The following MACF1 variants were observed in gnomAD, a reference collection of about 807,000 sequenced individuals.
MACF1 encodes microtubule-actin cross-linking factor 1.
In MACF1, 193 loss-of-function variants were observed where a neutral mutation model predicts 854.8. That is an observed-to-expected ratio of 0.23 (90% CI 0.20 to 0.25). The LOEUF (loss-of-function observed/expected upper bound fraction) is 0.25, where lower values mean the gene tolerates loss of function less well. Ranked by LOEUF, MACF1 falls within the 10% of genes least tolerant of loss-of-function variation. The probability of loss-of-function intolerance (pLI) is 1.00; values close to 1 mark genes in which losing one functional copy is unlikely to be tolerated. For missense variants in MACF1, 7,722 were observed against 8,929.1 expected (o/e 0.86, Z 5.45); for synonymous variants, 3,185 against 3,226.7 (o/e 0.99, Z 0.44).
intron 58 of MACF1, among the ~76,000 whole-genome samples, chr1:39,415,168 G>A (rs1643240450): frequency 1.3e-5 from 2 of 152,126 alleles, no homozygotes; most frequent in East Asian, 1.9e-4. Flanking sequence ...ACCAGAGCTA[G>A]GCATAATGTT....
intron 23 of MACF1, among the ~76,000 whole-genome samples, chr1:39,308,397 G>A (rs1031384917): frequency 6.6e-6 from 1 of 152,054 alleles, no homozygotes; most frequent in Non-Finnish European, 1.5e-5. Context: ...TGAAATTTTA[G>A]TGGGAGTTTT....
intron 2 of MACF1, among the ~76,000 whole-genome samples, chr1:39,135,050 T>G (rs1643129896): frequency 6.6e-6 from 1 of 152,210 alleles, no homozygotes. Context: ...TTTGTCCTTT[T>G]GTGTCTGGCT....
intron 2 of MACF1, among the ~76,000 whole-genome samples, chr1:39,171,483 C>T (rs993167114): frequency 6.6e-6 from 1 of 152,056 alleles, no homozygotes; most frequent in Non-Finnish European, 1.5e-5. Context: ...ACTTGCCTGC[C>T]CTGGATTTGC....
Position 39,292,752 on chromosome 1 carries a change from T to A in MACF1, c.1915-14T>A, listed in dbSNP as rs771949668. On this transcript the variant is annotated splice_polypyrimidine_tract_variant and intron_variant, in intron 16 of 100. Coordinates refer to ENST00000564288, the MANE Select transcript of MACF1 (RefSeq NM_001394062.1). ...TTTCTCTAATGTATTTTTATTTCATTCTTTTTTAATCAGGGAAAGATGTCC... is the reference window on the plus strand; with the variant it reads ...TTTCTCTAATGTATTTTTATTTCATACTTTTTTAATCAGGGAAAGATGTCC... The A allele has an allele frequency of 6.3e-7, 1 of 1,586,514 alleles. No homozygotes were observed. The highest frequency in any genetic ancestry group is 1.1e-5 in the South Asian group (1 of 88,802).
chr1:39,323,177 A>G (rs1356264998), intron 33 of MACF1, among the ~76,000 whole-genome samples, 169 bp downstream of exon 33: 2 of 152,094 alleles, frequency 1.3e-5, no homozygotes, highest in East Asian at 3.9e-4. Context: ...CCCTCTCTAC[A>G]AAAAATATTT....
chr1:39,134,034 CTTTTTTTTT>C (rs754585049), intron 2 of MACF1, among the ~76,000 whole-genome samples: 1 of 71,602 alleles, frequency 1.4e-5, no homozygotes, highest in Admixed American at 2.3e-4. Context: ...GAAGAACAGT[CTTTTTTTTT>C]TTTTTTTTTT....
At chr1:39,388,857 T>C (rs201397952) in intron 58 of MACF1, among the ~76,000 whole-genome samples, 199 bp downstream of exon 58, 103 of 139,908 alleles carry the variant, frequency 7.4e-4, no homozygotes, top group Non-Finnish European at 1.3e-3. Flanking sequence ...TCTTTTTCTT[T>C]TTCTTCTTCT....
intron 6 of MACF1, among the ~76,000 whole-genome samples, chr1:39,260,785 C>G (rs934060937): frequency 1.3e-5 from 2 of 152,134 alleles, no homozygotes; most frequent in Non-Finnish European, 2.9e-5. Context: ...ATTTCTAATT[C>G]AAATTTAGGA....
intron 6 of MACF1, among the ~76,000 whole-genome samples, chr1:39,263,959 G>A (rs995697998): frequency 3.2e-4 from 48 of 151,762 alleles, no homozygotes; most frequent in Non-Finnish European, 7.4e-5. Flanking sequence ...ATTTTTAGTA[G>A]AGATGGGGTT....
chr1:39,378,954 A>G (rs1332181428), intron 53 of MACF1, among the ~76,000 whole-genome samples: 1 of 152,168 alleles, frequency 6.6e-6, no homozygotes, highest in Non-Finnish European at 1.5e-5. Flanking sequence ...TGCTCCCTTC[A>G]CTTTTGTTGT....
At chr1:39,102,822 TTTTG>T in intron 2 of MACF1, 1 of 702,600 alleles carries the variant, frequency 1.4e-6, no homozygotes, top group Non-Finnish European at 2.6e-6. Context: ...GCCTCAGAGC[TTTTG>T]CGACTGTGTG....
At chr1:39,423,940 G>T (rs1365616403) in intron 60 of MACF1, 88 bp from the exon 61 acceptor site, 6 of 1,160,804 alleles carry the variant, frequency 5.2e-6, no homozygotes, top group South Asian at 1.6e-5. Context: ...AGGATTTGGC[G>T]GGTTGGTTTC....
Position 39,441,032 on chromosome 1 carries a change from T to G in MACF1, c.18477T>G (p.His6159Gln). The G allele has an allele frequency of 6.8e-6, 11 of 1,614,228 alleles. No homozygotes were observed. Among genetic ancestry groups the G allele is most frequent in the Non-Finnish European group, 9.3e-6 (11 of 1,180,036 alleles). The change falls in exon 73 of 101, where the codon CAT becomes CAG. Residue 6159 changes from histidine to glutamine, a missense_variant. Physicochemically the swap from His to Gln is conservative, Grantham distance 24. Coordinates refer to ENST00000564288, the MANE Select transcript of MACF1 (RefSeq NM_001394062.1). ...TTAAGGAAGAGACAGATGGTCTGCA[T>G]GAAGAGCTGGAGTTTATTCGGATCC... ...ETIKEETDGL[H>Q]EELEFIRILG...
rs553937016 is a variant in MACF1 at position 39,375,482 on chromosome 1, T to C, written c.13213+2886T>C. ...ACGCCTGGCTAATTTTTTGTATTTT[T>C]AGTAGAGACAGGGTTTCACTGTGTT... On this transcript the variant is annotated intron_variant, in intron 52 of 100. Coordinates refer to ENST00000564288, the MANE Select transcript of MACF1 (RefSeq NM_001394062.1). 2.7e-3 allele frequency among the ~76,000 whole-genome samples: 410 copies of C among 152,272 alleles called. 1 individual carries two copies. Among genetic ancestry groups the C allele is most frequent in the Middle Eastern group, 0.014 (4 of 294 alleles).
intron 1 of MACF1, among the ~76,000 whole-genome samples, chr1:39,210,195 T>G (rs1399323844): frequency 6.6e-6 from 1 of 152,198 alleles, no homozygotes; most frequent in Non-Finnish European, 1.5e-5. Flanking sequence ...CTTTAATTCT[T>G]CCATTTATGG....
chr1:39,309,809 C>A, intron 24 of MACF1, 113 bp downstream of exon 24: 1 of 1,132,842 alleles, frequency 8.8e-7, no homozygotes, highest in Non-Finnish European at 1.3e-6. Flanking sequence ...AAAGTGGACT[C>A]AGGAATACCA....
rs116096234 is a variant in MACF1 at position 39,186,147 on chromosome 1, A to T, written c.221-45035A>T. ...AGATTCCAGAATGTTAAGGGAATCCATGTGGGGGCTGGGATTCTGAACATC... is the reference window on the plus strand; with the variant it reads ...AGATTCCAGAATGTTAAGGGAATCCTTGTGGGGGCTGGGATTCTGAACATC... On this transcript the variant is annotated intron_variant, in intron 2 of 93. Coordinates refer to the MACF1 transcript ENST00000361689. Among the ~76,000 whole-genome samples, 758 of 143,820 alleles carry T rather than the reference A, an allele frequency of 5.3e-3. 5 individuals carry two copies. Among genetic ancestry groups the T allele is most frequent in the African/African-American group, 0.018 (722 of 39,044 alleles). The allele number at this position is 143,820 out of a possible 152,430, so 94.4% of individuals were successfully genotyped here. A position where few individuals can be genotyped will look rare whatever the true frequency, so the allele number is the denominator to read the frequency against.
In MACF1 at chr1:39,335,076, G is replaced by GT. The variant is rs1244561072; in HGVS notation, c.8491dup (p.Ser2831PhefsTer2). On this transcript the variant is annotated frameshift_variant, in exon 37 of 101. Coordinates refer to ENST00000564288, the MANE Select transcript of MACF1 (RefSeq NM_001394062.1). LOFTEE classifies it high-confidence loss of function. ...TGCACAAGAAAAGGTTAAAGTGAGA[G>GT]TTTCTGATGGGGAGCAGGCAAAAAA... 6.2e-7 allele frequency: 1 copy of GT among 1,613,994 alleles called. No individual in the cohort carries two copies. The highest frequency in any genetic ancestry group is 1.3e-5 in the African/African-American group (1 of 74,934).
upstream of MACF1, among the ~76,000 whole-genome samples, chr1:39,200,710 A>G (rs1029061376): frequency 2.6e-5 from 4 of 151,818 alleles, no homozygotes; most frequent in African/African-American, 7.3e-5. Flanking sequence ...GAGAAAAAAA[A>G]AAAAAGAAAA....
Sources: gnomAD v4.1 joint callset for allele counts (sites outside exome capture counted in the v4.1 genomes callset) on GRCh38, gnomAD v4.1.1 for gene constraint, MANE v1.5 for transcripts, NCBI Gene and HGNC (gene_info 2026-07-23, HGNC 2026-07-21) for gene names.